SLC35F4: variants seen among roughly 807,000 people sequenced by gnomAD.
SLC35F4 encodes the protein chromosome 14 open reading frame 36.
Under a neutral mutation model 44.2 loss-of-function variants are expected in SLC35F4, and 24 were observed. The observed-to-expected ratio is 0.54, with a 90% CI of 0.39 to 0.76. SLC35F4 has a LOEUF of 0.76. Ranked by LOEUF, SLC35F4 falls within the 30% of genes least tolerant of loss-of-function variation. The probability of loss-of-function intolerance (pLI) is 0.00; values close to 1 mark genes in which losing one functional copy is unlikely to be tolerated. For missense variants in SLC35F4, 562 were observed against 586.1 expected, an observed-to-expected ratio of 0.96 and a Z score of 0.42; for synonymous variants, 238 against 223.6, an observed-to-expected ratio of 1.06 and a Z score of -0.57.
chr14:57,972,496 G>A (rs187151762), downstream of SLC35F4, among the ~76,000 whole-genome samples: 872 of 151,658 alleles, frequency 5.7e-3, 5 homozygotes, highest in Non-Finnish European at 9.6e-3. Context: ...AAGTGGCTTT[G>A]GTAGGGAAAA....
At chr14:57,813,297 G>A (rs1882181342) in intron 1 of SLC35F4, among the ~76,000 whole-genome samples, 2 of 152,124 alleles carry the variant, frequency 1.3e-5, no homozygotes, top group Non-Finnish European at 2.9e-5. Flanking sequence ...CTTATAAAAA[G>A]TACTTTTATA....
intron 1 of SLC35F4, among the ~76,000 whole-genome samples, chr14:57,761,480 A>C (rs2140627281): frequency 6.6e-6 from 1 of 152,258 alleles, no homozygotes; most frequent in East Asian, 1.9e-4. Flanking sequence ...TAGAACAAAA[A>C]TTGTGTACAA....
chr14:57,950,671 C>CTTTTTTTTTT (rs1037402012), intron 1 of SLC35F4, among the ~76,000 whole-genome samples: 2 of 79,038 alleles, frequency 2.5e-5, no homozygotes, highest in African/African-American at 1.4e-4. Context: ...TCTTTTCTTT[C>CTTTTTTTTTT]TTTCTTTTTT....
At chr14:57,593,843 C>A (rs1272542508) in intron 2 of SLC35F4, 96 bp downstream of exon 2, 1 of 1,345,064 alleles carries the variant, frequency 7.4e-7, no homozygotes, top group East Asian at 2.3e-5. Context: ...CATAAGAGTC[C>A]GTGTAACATC....
In SLC35F4 at chr14:57,693,715, C is replaced by T. The variant is rs1428433690; in HGVS notation, c.104-99591G>A. ...AGACCCCTGATTTCCCACTCCACAC[C>T]TCTATATTTCTGTGTGTGTGTCTTT... On this transcript the variant is annotated intron_variant, in intron 1 of 7. Coordinates refer to ENST00000556826, the MANE Select transcript of SLC35F4 (RefSeq NM_001306087.2). 2.0e-5 allele frequency among the ~76,000 whole-genome samples: 3 copies of T among 152,150 alleles called. 1 individual carries two copies. The highest frequency in any genetic ancestry group is 4.1e-4 in the South Asian group (2 of 4,826).
chr14:57,946,471 T>TTTC (rs1890031737), intron 1 of SLC35F4, among the ~76,000 whole-genome samples: 1 of 61,556 alleles, frequency 1.6e-5, no homozygotes, highest in African/African-American at 8.2e-5. Context: ...TTTCTTTTCT[T>TTTC]TTTTTTTTTT....
At chr14:57,850,944 T>C (rs990377824) in intron 1 of SLC35F4, among the ~76,000 whole-genome samples, 1 of 152,232 alleles carries the variant, frequency 6.6e-6, no homozygotes, top group Admixed American at 6.5e-5. Flanking sequence ...TTAATTCAAC[T>C]TGTAGGATCA....
chr14:57,569,538 A>G (rs1001266307), intron 6 of SLC35F4, among the ~76,000 whole-genome samples: 1 of 152,254 alleles, frequency 6.6e-6, no homozygotes, highest in African/African-American at 2.4e-5. Context: ...ATTGAAGGCC[A>G]GTGGTATACA....
At chr14:57,620,797 G>C (rs111239580) in intron 1 of SLC35F4, among the ~76,000 whole-genome samples, 9,544 of 152,268 alleles carry the variant, frequency 0.063, 830 homozygotes, top group African/African-American at 0.2. Context: ...ATTCAACATA[G>C]TGTTGGAAGT....
chr14:57,915,497 C>T (rs185760077), intron 1 of SLC35F4, among the ~76,000 whole-genome samples: 115 of 152,356 alleles, frequency 7.5e-4, no homozygotes, highest in African/African-American at 2.6e-3. Context: ...TTAAAATCAT[C>T]TATCTTCTTC....
chr14:57,875,862 T>C (rs913754377), intron 1 of SLC35F4, among the ~76,000 whole-genome samples: 1 of 152,172 alleles, frequency 6.6e-6, no homozygotes, highest in Non-Finnish European at 1.5e-5. Context: ...CTAATGTAAA[T>C]CAATGCCAAT....
chr14:57,818,257 C>T (rs1460278814), intron 1 of SLC35F4, among the ~76,000 whole-genome samples: 1 of 152,060 alleles, frequency 6.6e-6, no homozygotes, highest in East Asian at 1.9e-4. Flanking sequence ...AGGATTGAGC[C>T]CTGTCAGCAT....
chr14:57,908,018 C>T (rs1048464175), intron 1 of SLC35F4, among the ~76,000 whole-genome samples: 7 of 152,050 alleles, frequency 4.6e-5, no homozygotes, highest in East Asian at 1.9e-4. Flanking sequence ...GTTCAACTTC[C>T]ACTTGTAAGT....
At chr14:57,959,723 C>G (rs541317211) in intron 1 of SLC35F4, among the ~76,000 whole-genome samples, 1 of 152,132 alleles carries the variant, frequency 6.6e-6, no homozygotes, top group East Asian at 1.9e-4. Context: ...TATCTGAAAA[C>G]GAGGATGGTA....
intron 3 of SLC35F4, among the ~76,000 whole-genome samples, chr14:57,584,093 T>C (rs959720096): frequency 7.2e-5 from 11 of 152,204 alleles, no homozygotes; most frequent in African/African-American, 2.7e-4. Context: ...GGCAAATATG[T>C]CTTTGGCTCC....
intron 1 of SLC35F4, among the ~76,000 whole-genome samples, chr14:57,658,571 G>A (rs2074039823): frequency 6.6e-6 from 1 of 152,182 alleles, no homozygotes; most frequent in African/African-American, 2.4e-5. Flanking sequence ...CAGGTTCCAA[G>A]GGACTTTCTG....
intron 2 of SLC35F4, among the ~76,000 whole-genome samples, chr14:57,590,492 A>G (rs2070106026): frequency 6.6e-6 from 1 of 152,214 alleles, no homozygotes. Flanking sequence ...AATGACTAAT[A>G]TATTTCTGGG....
chr14:57,763,972 C>G (rs1167992816), intron 1 of SLC35F4, among the ~76,000 whole-genome samples: 1 of 152,156 alleles, frequency 6.6e-6, no homozygotes, highest in Non-Finnish European at 1.5e-5. Flanking sequence ...CACAAGAAAC[C>G]TTGCAACTTC....
chr14:57,846,177 T>C (rs558033823), intron 1 of SLC35F4, among the ~76,000 whole-genome samples: 1 of 152,290 alleles, frequency 6.6e-6, no homozygotes, highest in African/African-American at 2.4e-5. Flanking sequence ...AAAATTCCAC[T>C]GCATCATTAT....
Sources: gnomAD v4.1 joint callset for allele counts (sites outside exome capture counted in the v4.1 genomes callset) on GRCh38, gnomAD v4.1.1 for gene constraint, MANE v1.5 for transcripts, NCBI Gene and HGNC (gene_info 2026-07-23, HGNC 2026-07-21) for gene names.